The following SLIT2 variants were observed in gnomAD, a reference collection of about 807,000 sequenced individuals.
The protein encoded by SLIT2 is slit guidance ligand 2.
SLIT2 carries 41 observed loss-of-function variants against 185.7 expected under a neutral mutation model. That is an observed-to-expected ratio of 0.22 (90% CI 0.17 to 0.29). SLIT2 has a LOEUF of 0.29. Among genes scored for constraint, SLIT2 ranks in the 10% least tolerant of loss-of-function variants. The probability of loss-of-function intolerance (pLI) is 1.00; values close to 1 mark genes in which losing one functional copy is unlikely to be tolerated. For synonymous variants in SLIT2, 693 were observed against 680.2 expected (o/e 1.02, Z -0.29); for missense variants, 1,571 against 1,909.0 (o/e 0.82, Z 3.30).
intron 9 of SLIT2, among the ~76,000 whole-genome samples, chr4:20,508,542 A>G (rs560647873): frequency 1.3e-5 from 2 of 152,214 alleles, no homozygotes; most frequent in African/African-American, 4.8e-5. Context: ...GGATGTAAAG[A>G]CAATACACCC....
intron 4 of SLIT2, among the ~76,000 whole-genome samples, chr4:20,442,152 G>A (rs1303404759): frequency 2.0e-5 from 3 of 152,090 alleles, no homozygotes; most frequent in Admixed American, 6.5e-5. Flanking sequence ...AACAGATTGC[G>A]GTGGTGGGCA....
intron 4 of SLIT2, among the ~76,000 whole-genome samples, chr4:20,376,079 A>G (rs896570818): frequency 1.3e-5 from 2 of 151,264 alleles, no homozygotes; most frequent in African/African-American, 4.8e-5. Flanking sequence ...AAAATTTTTC[A>G]AAACAAAAAA....
At chr4:20,299,672 T>G (rs1307069942) in intron 4 of SLIT2, among the ~76,000 whole-genome samples, 1 of 151,742 alleles carries the variant, frequency 6.6e-6, no homozygotes, top group Non-Finnish European at 1.5e-5. Context: ...TTTTTTAGTT[T>G]TGTGATGTGA....
At chr4:20,474,848 T>A (rs1415015999) in intron 5 of SLIT2, among the ~76,000 whole-genome samples, 1 of 152,072 alleles carries the variant, frequency 6.6e-6, no homozygotes, top group African/African-American at 2.4e-5. Flanking sequence ...AGTATTCAGT[T>A]TATTTAAAAA....
rs1216516904 is a variant in SLIT2 at position 20,463,479 on chromosome 4, ATATATATATATATG to A, written c.396-4271_396-4258del. Among the ~76,000 whole-genome samples, 838 of 88,732 alleles carry A rather than the reference ATATATATATATATG, an allele frequency of 9.4e-3. 26 individuals carry two copies. The highest frequency in any genetic ancestry group is 0.035 in the African/African-American group (783 of 22,076). 58.2% of individuals were successfully genotyped at this position (88,732 alleles called of 152,430 possible). The stretch of plus-strand genomic sequence containing the variant: ...TATATATATATATATATATATATAT[ATATATATATATATG>A]TGTGTGTGCGTATATCCATATATGT... On this transcript the variant is annotated intron_variant, in intron 4 of 36. Coordinates refer to ENST00000504154, the MANE Select transcript of SLIT2 (RefSeq NM_004787.4).
rs1203445881 is a variant in SLIT2 at position 20,484,197 on chromosome 4, A to G, written c.540-2003A>G. ...CTTAAAACAATTTATTCCCAAAGTC[A>G]TATTTCAGAATGCTATATACTATAA... On this transcript the variant is annotated intron_variant, in intron 6 of 36. Coordinates refer to ENST00000504154, the MANE Select transcript of SLIT2 (RefSeq NM_004787.4). The surrounding 1 kb of genome is among the most constrained non-coding windows in gnomAD (Gnocchi z 4.3). Among the ~76,000 whole-genome samples, 1 of 152,116 alleles carries G rather than the reference A, an allele frequency of 6.6e-6. No homozygotes were observed. The highest frequency in any genetic ancestry group is 1.5e-5 in the Non-Finnish European group (1 of 68,010).
intron 4 of SLIT2, among the ~76,000 whole-genome samples, chr4:20,343,886 C>G (rs561846681): frequency 6.6e-6 from 1 of 151,356 alleles, no homozygotes; most frequent in Admixed American, 6.6e-5. Context: ...GAGTCTCGCT[C>G]TGTTGTCAGG....
At chr4:20,387,120 A>C (rs1387983934) in intron 4 of SLIT2, among the ~76,000 whole-genome samples, 3 of 152,198 alleles carry the variant, frequency 2.0e-5, no homozygotes, top group South Asian at 2.1e-4. Flanking sequence ...AGATGTGAAC[A>C]GCAGTGATGG....
In SLIT2 at chr4:20,512,166, T is replaced by A. The variant is rs530411447; in HGVS notation, c.1058+1029T>A. ...GCCGAAACTCAGAGAAGGGTTCTTA[T>A]TGATGTCAATTCCTGCCAAAATATT... On this transcript the variant is annotated intron_variant, in intron 11 of 36. Transcript: ENST00000504154. Among the ~76,000 whole-genome samples, 111 of 152,238 alleles carry A rather than the reference T, an allele frequency of 7.3e-4. 1 individual carries two copies. Among genetic ancestry groups the A allele is most frequent in the South Asian group, 4.4e-3 (21 of 4,820 alleles).
At position 20,349,333 on chromosome 4, in the gene SLIT2, A is replaced by G. The variant is rs1012188402; in HGVS notation, c.395+80452A>G. 5.3e-5 allele frequency among the ~76,000 whole-genome samples: 8 copies of G among 152,184 alleles called. No homozygotes were observed. The South Asian group carries it at 1.7e-3, about 32-fold the overall frequency. On this transcript the variant is annotated intron_variant, in intron 4 of 36. Transcript: ENST00000504154. ...ATATTTTTGTTTCCATCTTATATAA[A>G]CACAATCACTTCCTAACAAGGATGT...
At chr4:20,499,043 G>A (rs1418493588) in intron 9 of SLIT2, among the ~76,000 whole-genome samples, 3 of 152,194 alleles carry the variant, frequency 2.0e-5, no homozygotes, top group Non-Finnish European at 1.5e-5. Flanking sequence ...TACCAACAGT[G>A]TATAAGCATT....
intron 4 of SLIT2, among the ~76,000 whole-genome samples, chr4:20,386,942 A>G (rs1389810890): frequency 6.6e-6 from 1 of 152,150 alleles, no homozygotes; most frequent in Non-Finnish European, 1.5e-5. Flanking sequence ...TCTTATGCAC[A>G]TTTCCTTTGG....
chr4:20,615,887 G>C (rs1026463851), intron 34 of SLIT2: 2 of 152,242 alleles, frequency 1.3e-5, no homozygotes, highest in Non-Finnish European at 2.9e-5. Context: ...TGGGGATGTG[G>C]TGGTATAGCC....
intron 26 of SLIT2, 87 bp from the exon 27 acceptor site, chr4:20,567,175 G>T: frequency 8.5e-7 from 1 of 1,170,270 alleles, no homozygotes; most frequent in East Asian, 2.4e-5. Flanking sequence ...AATTTTATAT[G>T]AAATTTACCA....
At chr4:20,378,420 A>G (rs1724212787) in intron 4 of SLIT2, among the ~76,000 whole-genome samples, 1 of 152,160 alleles carries the variant, frequency 6.6e-6, no homozygotes, top group Non-Finnish European at 1.5e-5. Context: ...TCCTTTTGAT[A>G]CACAAACAAG....
chr4:20,548,833 G>A (rs976119946), intron 23 of SLIT2, among the ~76,000 whole-genome samples: 4 of 152,094 alleles, frequency 2.6e-5, no homozygotes, highest in South Asian at 2.1e-4. Flanking sequence ...GACGGCTGAC[G>A]CACCAAAGTT....
At chr4:20,423,059 C>T (rs112941747) in intron 4 of SLIT2, among the ~76,000 whole-genome samples, 1 of 152,050 alleles carries the variant, frequency 6.6e-6, no homozygotes, top group Non-Finnish European at 1.5e-5. Context: ...CTCTACTATG[C>T]TTGTGTCTTC....
chr4:20,545,888 T>C, intron 21 of SLIT2, 143 bp from the exon 22 acceptor site: 1 of 426,346 alleles, frequency 2.3e-6, no homozygotes, highest in Non-Finnish European at 4.2e-6. Flanking sequence ...TCTTAAATAA[T>C]AATCCATGCT....
At chr4:20,474,217 A>G (rs561611491) in intron 5 of SLIT2, among the ~76,000 whole-genome samples, 2 of 152,114 alleles carry the variant, frequency 1.3e-5, no homozygotes, top group South Asian at 2.1e-4. Context: ...ACTTACCTTC[A>G]TTTCCTATGT....
Sources: allele counts gnomAD v4.1 joint callset (sites outside exome capture counted in the v4.1 genomes callset), GRCh38; gene constraint gnomAD v4.1.1; non-coding constraint Gnocchi (gnomAD v3.1); transcripts MANE v1.5; gene names NCBI Gene and HGNC (gene_info 2026-07-23, HGNC 2026-07-21).